Variants in CLSTN2 observed in about 807,000 individuals in gnomAD.
CLSTN2 encodes calsyntenin 2.
A neutral mutation model predicts 101.2 loss-of-function variants in CLSTN2; 48 were observed. The observed-to-expected ratio is 0.47, with a 90% confidence interval of 0.38 to 0.60. CLSTN2 has a LOEUF of 0.60. CLSTN2 is among the 20% of genes least tolerant of loss of function. The pLI, the probability that CLSTN2 is intolerant of heterozygous loss-of-function variation, is 0.00. For synonymous variants in CLSTN2, 481 were observed against 463.6 expected (o/e 1.04, Z -0.48); for missense variants, 1,160 against 1,238.2 (o/e 0.94, Z 0.95).
chr3:140,207,177 T>C (rs1366313270), intron 2 of CLSTN2, among the ~76,000 whole-genome samples: 1 of 152,168 alleles, frequency 6.6e-6, no homozygotes, highest in Non-Finnish European at 1.5e-5. Context: ...TTTTACCTAA[T>C]AAGCTAACAA....
intron 8 of CLSTN2, among the ~76,000 whole-genome samples, chr3:140,495,750 G>T (rs1305843554): frequency 1.3e-5 from 2 of 152,114 alleles, no homozygotes; most frequent in African/African-American, 4.8e-5. Flanking sequence ...TTTCTGCAAG[G>T]TTTGTCAAAG....
chr3:140,213,442 G>T (rs1342227107), intron 2 of CLSTN2, among the ~76,000 whole-genome samples: 1 of 152,210 alleles, frequency 6.6e-6, no homozygotes, highest in East Asian at 1.9e-4. Flanking sequence ...CCTGCCTATT[G>T]CTTGGCATGA....
chr3:140,196,453 G>C (rs966581197), intron 2 of CLSTN2, among the ~76,000 whole-genome samples: 1 of 152,254 alleles, frequency 6.6e-6, no homozygotes, highest in East Asian at 1.9e-4. Context: ...AAACCAGGTT[G>C]CTGGGAGGAA....
At chr3:140,111,222 A>G (rs930736993) in intron 1 of CLSTN2, among the ~76,000 whole-genome samples, 1 of 151,952 alleles carries the variant, frequency 6.6e-6, no homozygotes, top group Admixed American at 6.6e-5. Context: ...TCCCCTACAG[A>G]CACAACTCCT....
chr3:140,183,872 A>G (rs2010447677), intron 2 of CLSTN2, among the ~76,000 whole-genome samples: 1 of 152,232 alleles, frequency 6.6e-6, no homozygotes, highest in Non-Finnish European at 1.5e-5. Flanking sequence ...AGATTATATA[A>G]TTTGCCAAGA....
intron 1 of CLSTN2, among the ~76,000 whole-genome samples, chr3:140,033,841 G>T (rs2007605451): frequency 6.6e-6 from 1 of 152,182 alleles, no homozygotes; most frequent in Admixed American, 6.5e-5. Context: ...AAGGGATGAA[G>T]ATCTAAAAAT....
chr3:140,392,652 T>C (rs1000847467), intron 2 of CLSTN2, among the ~76,000 whole-genome samples: 1 of 152,110 alleles, frequency 6.6e-6, no homozygotes, highest in Non-Finnish European at 1.5e-5. Flanking sequence ...AGACATAGAA[T>C]ATTAAAAAAG....
At chr3:139,942,564 G>A (rs1258056946) in intron 1 of CLSTN2, among the ~76,000 whole-genome samples, 2 of 152,202 alleles carry the variant, frequency 1.3e-5, no homozygotes, top group African/African-American at 4.8e-5. Flanking sequence ...GGTGTGCATG[G>A]CAAGGGCGGG....
At chr3:140,333,343 T>C (rs966439352) in intron 2 of CLSTN2, among the ~76,000 whole-genome samples, 7 of 152,194 alleles carry the variant, frequency 4.6e-5, no homozygotes, top group African/African-American at 1.2e-4. Flanking sequence ...TCACATGTGC[T>C]GTCTGGGTCT....
Position 140,350,173 on chromosome 3 carries a change from T to C in CLSTN2, c.233-53456T>C, listed in dbSNP as rs2087590536. ...GAGTGGGGGTGGACAGGAAGAAAGA[T>C]AATAACTTTGGAAGGCTGAATGGAG... is the stretch of plus-strand genomic sequence containing the variant. On this transcript the variant is annotated intron_variant, in intron 2 of 16. Coordinates refer to ENST00000458420, the MANE Select transcript of CLSTN2 (RefSeq NM_022131.3). 2.6e-5 allele frequency among the ~76,000 whole-genome samples: 4 copies of C among 152,218 alleles called. 1 individual carries two copies. In the South Asian group the frequency reaches 8.3e-4, roughly 31 times the overall value.
intron 1 of CLSTN2, among the ~76,000 whole-genome samples, chr3:140,047,051 T>C (rs956300819): frequency 6.6e-6 from 1 of 152,224 alleles, no homozygotes; most frequent in African/African-American, 2.4e-5. Flanking sequence ...TAAATATCCA[T>C]GTTGCTTCCA....
Position 140,532,467 on chromosome 3 carries a change from AGTCGGCGCTT to A in CLSTN2, c.1491_1500del (p.Ala499LysfsTer33). The A allele has an allele frequency of 2.5e-6, 4 of 1,613,348 alleles. No homozygotes were observed. Among genetic ancestry groups the A allele is most frequent in the Non-Finnish European group, 3.4e-6 (4 of 1,179,594 alleles). ...CATCTCACATAGCCATGCAACTCAC[AGTCGGCGCTT>A]GTTGGCAAGGTAATCCTAAGTGAAA... On this transcript the variant is annotated frameshift_variant, in exon 9 of 17. Transcript: ENST00000458420. LOFTEE classifies it high-confidence loss of function.
At chr3:139,964,219 T>G (rs1325378088) in intron 1 of CLSTN2, among the ~76,000 whole-genome samples, 1 of 152,192 alleles carries the variant, frequency 6.6e-6, no homozygotes, top group Non-Finnish European at 1.5e-5. Context: ...CTCTCCTCCC[T>G]CAGCTCACCC....
At chr3:140,473,466 C>A (rs372462283) in intron 8 of CLSTN2, among the ~76,000 whole-genome samples, 1 of 151,846 alleles carries the variant, frequency 6.6e-6, no homozygotes, top group African/African-American at 2.4e-5. Flanking sequence ...TTCTTATGGG[C>A]GCAATATAAT....
chr3:140,086,520 T>A (rs112955187), intron 1 of CLSTN2, among the ~76,000 whole-genome samples: 8 of 152,338 alleles, frequency 5.3e-5, no homozygotes, highest in African/African-American at 1.9e-4. Context: ...GCCTGGCACA[T>A]AAGTGCAACG....
chr3:140,474,274 C>T (rs1933927912), intron 8 of CLSTN2, among the ~76,000 whole-genome samples: 1 of 152,086 alleles, frequency 6.6e-6, no homozygotes, highest in Non-Finnish European at 1.5e-5. Context: ...TTCTGTACAC[C>T]AGTGTATGAT....
chr3:140,135,115 CACATATATATAT>C lies in CLSTN2; in HGVS notation c.110-40834_110-40823del, dbSNP rs61072622. Among the ~76,000 whole-genome samples the C allele has an allele frequency of 8.6e-3, 445 of 51,932 alleles. 1 individual carries two copies. Among genetic ancestry groups the C allele is most frequent in the African/African-American group, 0.041 (416 of 10,136 alleles). 34.1% of individuals were successfully genotyped at this position (51,932 alleles called of 152,430 possible). On this transcript the variant is annotated intron_variant, in intron 1 of 16. Transcript: ENST00000458420. ...ACACACACACACACACACACACACA[CACATATATATAT>C]ATATATATATATATATATATATATA...
intron 2 of CLSTN2, among the ~76,000 whole-genome samples, chr3:140,261,249 C>G (rs1490257550): frequency 6.6e-6 from 1 of 151,948 alleles, no homozygotes; most frequent in East Asian, 1.9e-4. Context: ...TCATTTCCTT[C>G]TATATTTAAT....
Position 140,007,676 on chromosome 3 carries a change from C to T in CLSTN2, c.109+72193C>T, listed in dbSNP as rs1241359620. The stretch of plus-strand genomic sequence containing the variant: ...GTGGGAGGCTCGGTCTGGCTCTCCT[C>T]TCCGTGGGTCTCAGTTCCCACATAC... On this transcript the variant is annotated intron_variant, in intron 1 of 16. Transcript: ENST00000458420. 4.6e-5 allele frequency among the ~76,000 whole-genome samples: 7 copies of T among 152,226 alleles called. No homozygotes were observed. In the East Asian group the frequency reaches 1.3e-3, roughly 29 times the overall value.
Sources: gnomAD v4.1 joint callset for allele counts (sites outside exome capture counted in the v4.1 genomes callset) on GRCh38, gnomAD v4.1.1 for gene constraint, MANE v1.5 for transcripts, NCBI Gene and HGNC (gene_info 2026-07-23, HGNC 2026-07-21) for gene names.